Variants in NAV3 observed in about 807,000 individuals in gnomAD.
NAV3 encodes the protein neuron navigator 3.
A neutral mutation model predicts 244.7 loss-of-function variants in NAV3; 87 were observed. The ratio of observed to expected loss-of-function variants is 0.36; its 90% CI spans 0.30 to 0.42. The LOEUF (loss-of-function observed/expected upper bound fraction) is 0.42. Ranked by LOEUF, NAV3 falls within the 20% of genes least tolerant of loss-of-function variation. NAV3 has a pLI of 1.00. For missense variants in NAV3, 2,663 were observed against 2,893.3 expected, an observed-to-expected ratio of 0.92 and a Z score of 1.83; for synonymous variants, 1,126 against 1,042.2, an observed-to-expected ratio of 1.08 and a Z score of -1.55.
intron 11 of NAV3, among the ~76,000 whole-genome samples, chr12:78,056,737 C>A (rs778829902): frequency 6.6e-6 from 1 of 151,944 alleles, no homozygotes; most frequent in African/African-American, 2.4e-5. Context: ...TCAAAAAAAA[C>A]GTATTTATGC....
Position 78,105,724 on chromosome 12 carries a change from AC to A in NAV3, c.2637-11047del, listed in dbSNP as rs1049921429. 2.0e-5 allele frequency among the ~76,000 whole-genome samples: 3 copies of A among 152,056 alleles called. 1 individual carries two copies. The highest frequency in any genetic ancestry group is 4.1e-4 in the South Asian group (2 of 4,820). On this transcript the variant is annotated intron_variant, in intron 12 of 39. Coordinates refer to ENST00000397909, the MANE Select transcript of NAV3 (RefSeq NM_001024383.2). ...ATAATGTTTGCAAAATGTAAAAAAAACAAAAGGTTTCTTCATCAAGTTGGTA... is the reference window on the plus strand; with the variant it reads ...ATAATGTTTGCAAAATGTAAAAAAAAAAAAGGTTTCTTCATCAAGTTGGTA...
At chr12:78,031,600 T>C (rs570765444) in intron 9 of NAV3, among the ~76,000 whole-genome samples, 4 of 151,536 alleles carry the variant, frequency 2.6e-5, no homozygotes, top group East Asian at 2.0e-4. Context: ...ATGGATGAAA[T>C]TGGAAATCAT....
At chr12:78,067,133 C>G (rs1336382549) in intron 12 of NAV3, among the ~76,000 whole-genome samples, 1 of 152,032 alleles carries the variant, frequency 6.6e-6, no homozygotes, top group African/African-American at 2.4e-5. Context: ...GTTCATGATG[C>G]TTGTCACTAG....
At chr12:77,651,108 G>A (rs987256557) in intron 2 of NAV3, among the ~76,000 whole-genome samples, 6 of 152,018 alleles carry the variant, frequency 3.9e-5, no homozygotes, top group Non-Finnish European at 7.4e-5. Context: ...CATGAAAAAT[G>A]TGTGAGACTA....
chr12:78,059,267 T>A (rs1263865730), intron 12 of NAV3, 152 bp downstream of exon 12: 16 of 795,394 alleles, frequency 2.0e-5, no homozygotes, highest in Non-Finnish European at 2.8e-5. Context: ...TATTTAGGGT[T>A]TTTTTGTTTG....
At chr12:78,148,549 A>G (rs1956953524) in intron 21 of NAV3, among the ~76,000 whole-genome samples, 2 of 152,170 alleles carry the variant, frequency 1.3e-5, no homozygotes, top group African/African-American at 4.8e-5. Context: ...AAGGAGAAGA[A>G]TCAATACAGA....
chr12:78,096,319 C>A (rs938776396), intron 12 of NAV3, among the ~76,000 whole-genome samples: 1 of 152,142 alleles, frequency 6.6e-6, no homozygotes, highest in Admixed American at 6.5e-5. Flanking sequence ...ATCATTCATT[C>A]TGGCAGGCCC....
At chr12:77,579,518 T>A (rs1869248969) in intron 2 of NAV3, among the ~76,000 whole-genome samples, 1 of 152,200 alleles carries the variant, frequency 6.6e-6, no homozygotes, top group Non-Finnish European at 1.5e-5. Flanking sequence ...AAAGAGCAAG[T>A]GGTGGCTGAA....
chr12:77,593,579 A>G (rs1157548046), intron 2 of NAV3, among the ~76,000 whole-genome samples: 2 of 148,338 alleles, frequency 1.3e-5, no homozygotes, highest in Non-Finnish European at 3.0e-5. Flanking sequence ...CCTCCCCAGT[A>G]GCTGGGATTA....
chr12:77,654,647 G>A (rs1002003351), intron 2 of NAV3, among the ~76,000 whole-genome samples: 2 of 151,972 alleles, frequency 1.3e-5, no homozygotes, highest in Non-Finnish European at 2.9e-5. Flanking sequence ...CGGGCAGACT[G>A]CCTCCTCAGG....
chr12:77,705,974 T>C (rs931568101), intron 2 of NAV3, among the ~76,000 whole-genome samples: 2 of 151,500 alleles, frequency 1.3e-5, no homozygotes, highest in Admixed American at 6.6e-5. Flanking sequence ...TGTTCATCCA[T>C]TGTAGTTGTG....
intron 9 of NAV3, among the ~76,000 whole-genome samples, chr12:78,033,237 CCT>C (rs1879289936): frequency 7.0e-6 from 1 of 143,200 alleles, no homozygotes. Flanking sequence ...CTGAAATTGC[CCT>C]TTTTTTTTTG....
chr12:78,097,318 A>G (rs1954304618), intron 12 of NAV3, among the ~76,000 whole-genome samples: 1 of 152,162 alleles, frequency 6.6e-6, no homozygotes, highest in Non-Finnish European at 1.5e-5. Context: ...CTTGCAATAT[A>G]AGGAGACAGC....
At chr12:77,928,657 A>G (rs994414625) in intron 1 of NAV3, among the ~76,000 whole-genome samples, 2 of 152,318 alleles carry the variant, frequency 1.3e-5, no homozygotes, top group African/African-American at 4.8e-5. Context: ...AAAAAACTGC[A>G]TGTAAAGAAA....
intron 10 of NAV3, 53 bp downstream of exon 10, chr12:78,050,154 A>G (rs1882521170): frequency 3.2e-6 from 4 of 1,249,606 alleles, no homozygotes; most frequent in Admixed American, 4.1e-5. Flanking sequence ...ATAATTACAA[A>G]CAAACATTTA....
chr12:78,197,219 C>T (rs754321750), intron 34 of NAV3, 28 bp from the exon 35 acceptor site: 44 of 1,483,994 alleles, frequency 3.0e-5, no homozygotes, highest in Non-Finnish European at 3.6e-5. Context: ...TTATCACTGA[C>T]GTATCTGTTT....
intron 2 of NAV3, among the ~76,000 whole-genome samples, chr12:77,693,479 A>G (rs1875131305): frequency 6.6e-6 from 1 of 151,974 alleles, no homozygotes; most frequent in Non-Finnish European, 1.5e-5. Flanking sequence ...GTGAAGCTCC[A>G]TTCATGCCAA....
chr12:78,012,730 T>C (rs1875521020), intron 8 of NAV3, among the ~76,000 whole-genome samples: 1 of 152,148 alleles, frequency 6.6e-6, no homozygotes, highest in Admixed American at 6.6e-5. Flanking sequence ...GGGGAATATA[T>C]ATTATGCGCC....
intron 1 of NAV3, among the ~76,000 whole-genome samples, chr12:77,856,741 C>G (rs1446044946): frequency 6.6e-6 from 1 of 152,046 alleles, no homozygotes; most frequent in African/African-American, 2.4e-5. Context: ...ATCCACATTT[C>G]TAAACAATGT....
Sources: gnomAD v4.1 joint callset for allele counts (sites outside exome capture counted in the v4.1 genomes callset) on GRCh38, gnomAD v4.1.1 for gene constraint, MANE v1.5 for transcripts, NCBI Gene and HGNC (gene_info 2026-07-23, HGNC 2026-07-21) for gene names.